MAN1A2: variants seen among roughly 807,000 people sequenced by gnomAD.
MAN1A2 encodes the protein mannosidase alpha class 1A member 2.
In MAN1A2, 26 loss-of-function variants were observed where a neutral mutation model predicts 75.7. That is an observed-to-expected ratio of 0.34 (90% CI 0.25 to 0.48). The LOEUF (loss-of-function observed/expected upper bound fraction) is 0.48. Among genes scored for constraint, MAN1A2 ranks in the 20% least tolerant of loss-of-function variants. The probability of loss-of-function intolerance (pLI) is 0.99; values close to 1 mark genes in which losing one functional copy is unlikely to be tolerated. For synonymous variants in MAN1A2, 247 were observed against 264.6 expected (o/e 0.93, Z 0.65); for missense variants, 562 against 775.5 (o/e 0.72, Z 3.27).
chr1:117,508,195 T>C (rs1651429816), intron 12 of MAN1A2, among the ~76,000 whole-genome samples: 1 of 151,740 alleles, frequency 6.6e-6, no homozygotes, highest in Non-Finnish European at 1.5e-5. Flanking sequence ...CTGTTGCACA[T>C]TTATTTAAAG....
chr1:117,406,180 C>T (rs1264903079), intron 3 of MAN1A2, among the ~76,000 whole-genome samples: 1 of 152,102 alleles, frequency 6.6e-6, no homozygotes, highest in Non-Finnish European at 1.5e-5. Context: ...GTTTGTTCAT[C>T]CTACTTTCCC....
intron 5 of MAN1A2, among the ~76,000 whole-genome samples, chr1:117,432,120 C>T (rs894680519): frequency 2.6e-5 from 4 of 152,146 alleles, no homozygotes; most frequent in Non-Finnish European, 4.4e-5. Context: ...AAAGTTGATT[C>T]TTTGAAAGAA....
rs752924007 is a variant in MAN1A2 at position 117,460,483 on chromosome 1, A to G, written c.951-6A>G. 1 of 1,601,036 alleles carries G rather than the reference A, an allele frequency of 6.2e-7. No homozygotes were observed. Among genetic ancestry groups the G allele is most frequent in the Admixed American group, 1.8e-5 (1 of 56,678 alleles). On this transcript the variant is annotated splice_polypyrimidine_tract_variant and splice_region_variant and intron_variant, in intron 6 of 12. Transcript: ENST00000356554. ...GTGTCTCCTTTTACTTTTCCTTTTC[A>G]TTCAGTGGAGTAGGGCGAAACTGGG...
chr1:117,514,047 T>G (rs1651628209), intron 12 of MAN1A2, among the ~76,000 whole-genome samples: 1 of 152,144 alleles, frequency 6.6e-6, no homozygotes, highest in Non-Finnish European at 1.5e-5. Context: ...CACTGTAAAA[T>G]TCTTCCAACA....
chr1:117,432,217 C>T (rs1648693987), intron 5 of MAN1A2, among the ~76,000 whole-genome samples: 1 of 151,916 alleles, frequency 6.6e-6, no homozygotes, highest in Admixed American at 6.6e-5. Flanking sequence ...ATGGTATTGC[C>T]AATATGAGGC....
At chr1:117,414,652 C>CA (rs1647930453) in intron 3 of MAN1A2, 61 bp from the exon 4 acceptor site, 3 of 794,760 alleles carry the variant, frequency 3.8e-6, no homozygotes, top group Middle Eastern at 3.1e-4. Flanking sequence ...TTTTTCCCCC[C>CA]AAAGAGAACA....
rs751178779 is a variant in MAN1A2, at chr1:117,368,283, T to A, written c.100T>A (p.Ser34Thr). The part of the protein sequence containing the change: ...FPHHRATLRL[S>T]EKFILLLILS... ...ACATCACAGGGCTACCTTGAGACTT[T>A]CTGAGAAGTTTATTCTTCTCCTTAT... The change falls in exon 1 of 13, where the codon TCT becomes ACT. Residue 34 changes from serine (S) to threonine (T), a missense_variant. By Grantham distance (58) the Ser-to-Thr change is moderately conservative. Transcript: ENST00000356554. The A allele has an allele frequency of 1.2e-6, 2 of 1,614,118 alleles. No homozygotes were observed. The highest frequency in any genetic ancestry group is 2.7e-5 in the African/African-American group (2 of 74,940).
intron 6 of MAN1A2, among the ~76,000 whole-genome samples, chr1:117,458,954 A>G (rs1649721438): frequency 6.6e-6 from 1 of 152,184 alleles, no homozygotes; most frequent in African/African-American, 2.4e-5. Context: ...ACCAGGAAAT[A>G]CTGTTTATCA....
chr1:117,382,860 A>G (rs1653398259), intron 1 of MAN1A2, among the ~76,000 whole-genome samples: 1 of 152,110 alleles, frequency 6.6e-6, no homozygotes, highest in South Asian at 2.1e-4. Flanking sequence ...TATTAGCACA[A>G]CTAATTTTTA....
In MAN1A2 at chr1:117,476,907, A is replaced by G. The variant is rs188206440; in HGVS notation, c.1168+10480A>G. Reference sequence around the variant, plus strand: ...TAATTCTGTGAAGAAAGTCAATGGTAGCTTGTTGGGGATAGCACTGAATCT... The same window carrying G: ...TAATTCTGTGAAGAAAGTCAATGGTGGCTTGTTGGGGATAGCACTGAATCT... On this transcript the variant is annotated intron_variant, in intron 8 of 12. Coordinates refer to ENST00000356554, the MANE Select transcript of MAN1A2 (RefSeq NM_006699.5). Among the ~76,000 whole-genome samples, 199 of 152,212 alleles carry G rather than the reference A, an allele frequency of 1.3e-3. No homozygotes were observed. In the Middle Eastern group the frequency reaches 0.024, roughly 18 times the overall value.
chr1:117,511,510 G>A (rs1030407933), intron 12 of MAN1A2, among the ~76,000 whole-genome samples: 2 of 151,798 alleles, frequency 1.3e-5, no homozygotes, highest in African/African-American at 4.8e-5. Flanking sequence ...TCTTCCAGTA[G>A]AATGTAAGCC....
At chr1:117,427,821 C>T (rs1186077253) in intron 5 of MAN1A2, among the ~76,000 whole-genome samples, 1 of 152,030 alleles carries the variant, frequency 6.6e-6, no homozygotes, top group East Asian at 1.9e-4. Context: ...TTCAAAATTT[C>T]TTTAAAATTA....
chr1:117,434,592 T>C (rs1648787759), intron 5 of MAN1A2, among the ~76,000 whole-genome samples: 1 of 152,188 alleles, frequency 6.6e-6, no homozygotes, highest in South Asian at 2.1e-4. Flanking sequence ...AAGACCTGAA[T>C]ATTCATCCAT....
At chr1:117,413,542 A>AC (rs1284187080) in intron 3 of MAN1A2, among the ~76,000 whole-genome samples, 1 of 151,970 alleles carries the variant, frequency 6.6e-6, no homozygotes, top group Non-Finnish European at 1.5e-5. Context: ...TAAGGAGATC[A>AC]CTACCTCGCT....
At chr1:117,512,943 A>G (rs920617170) in intron 12 of MAN1A2, among the ~76,000 whole-genome samples, 1 of 152,166 alleles carries the variant, frequency 6.6e-6, no homozygotes. Flanking sequence ...CAATAAGGCT[A>G]TTCTTCTCCA....
chr1:117,454,300 T>C (rs79286035), intron 6 of MAN1A2, among the ~76,000 whole-genome samples: 7,048 of 152,258 alleles, frequency 0.046, 266 homozygotes, highest in Non-Finnish European at 0.072. Flanking sequence ...TTCCAACATT[T>C]GATGGAACCC....
At chr1:117,383,863 T>C (rs1653435425) in intron 1 of MAN1A2, among the ~76,000 whole-genome samples, 1 of 152,130 alleles carries the variant, frequency 6.6e-6, no homozygotes, top group South Asian at 2.1e-4. Flanking sequence ...TTAAGTTATC[T>C]TCCTGCCTCA....
Position 117,440,192 on chromosome 1 carries a change from A to T in MAN1A2, c.856-2039A>T, listed in dbSNP as rs571096340. 2.6e-5 allele frequency among the ~76,000 whole-genome samples: 4 copies of T among 152,278 alleles called. No homozygotes were observed. The South Asian group carries it at 8.3e-4, about 32-fold the overall frequency. On this transcript the variant is annotated intron_variant, in intron 5 of 12. Transcript: ENST00000356554. Reference sequence around the variant, plus strand: ...ATGTGTGATATTCTGTGTTAGAGAGAGACAAAGACTCTGAGTGTGTGTAAA... The same window carrying T: ...ATGTGTGATATTCTGTGTTAGAGAGTGACAAAGACTCTGAGTGTGTGTAAA...
rs200021453 is a variant in MAN1A2 at position 117,402,461 on chromosome 1, G to C, written c.558+20G>C. The C allele has an allele frequency of 3.2e-5, 50 of 1,568,808 alleles. No individual in the cohort carries two copies. Among genetic ancestry groups the C allele is most frequent in the Non-Finnish European group, 4.0e-5 (47 of 1,163,062 alleles). ...AAAGAGGTAATAAGCTGAGTTTTGT[G>C]ATATGGAGTGTTTATGGATTTGTAT... On this transcript the variant is annotated intron_variant, in intron 2 of 12. Coordinates refer to ENST00000356554, the MANE Select transcript of MAN1A2 (RefSeq NM_006699.5).
Sources: gnomAD v4.1 joint callset for allele counts (sites outside exome capture counted in the v4.1 genomes callset) on GRCh38, gnomAD v4.1.1 for gene constraint, MANE v1.5 for transcripts, NCBI Gene and HGNC (gene_info 2026-07-23, HGNC 2026-07-21) for gene names.